Variants in NBPF12 observed in about 807,000 individuals in gnomAD.
NBPF12 encodes the protein NBPF family member NBPF12.
NBPF12 carries 115 observed loss-of-function variants against 146.4 expected under a neutral mutation model. The ratio of observed to expected loss-of-function variants is 0.79; its 90% CI spans 0.68 to 0.92. NBPF12 has a LOEUF of 0.92. NBPF12 is among the 40% of genes least tolerant of loss of function. The probability of loss-of-function intolerance (pLI) is 0.00; values close to 1 mark genes in which losing one functional copy is unlikely to be tolerated. For synonymous variants in NBPF12, 385 were observed against 508.9 expected (o/e 0.76, Z 3.28); for missense variants, 1,205 against 1,326.8 (o/e 0.91, Z 1.43).
intron 2 of NBPF12, among the ~76,000 whole-genome samples, chr1:146,954,570 C>T (rs1190933969): frequency 6.7e-6 from 1 of 150,074 alleles, no homozygotes; most frequent in African/African-American, 2.5e-5. Flanking sequence ...AAATTGATCT[C>T]CAGATCCAAT....
At chr1:146,970,814 C>T in intron 12 of NBPF12, 95 bp downstream of exon 15, 1 of 1,126,352 alleles carries the variant, frequency 8.9e-7, no homozygotes, top group Non-Finnish European at 1.4e-6. Context: ...GGCCAAAAGC[C>T]CGCATTCCCT....
rs1223536831 is a variant in NBPF12 at position 146,960,444 on chromosome 1, G to A, written c.175+126G>A. On this transcript the variant is annotated intron_variant, in intron 4 of 33. Transcript: ENST00000617844. ...CTGTACTTCTAGGAAAACAGAAATG[G>A]GTATTTTAACATTTTGTTAAAGTTG... 1,288 of 612,564 alleles carry A rather than the reference G, an allele frequency of 2.1e-3. 22 individuals carry two copies. Among genetic ancestry groups the A allele is most frequent in the African/African-American group, 0.021 (1,106 of 53,796 alleles). The allele number at this position is 612,564 out of a possible 1,614,324, so 37.9% of individuals were successfully genotyped here.
chr1:146,987,334 TC>T, intron 25 of NBPF12, 49 bp downstream of exon 28: 1 of 788,778 alleles, frequency 1.3e-6, no homozygotes, highest in Middle Eastern at 2.6e-4. Flanking sequence ...ATCTGGAGAC[TC>T]CTGGTTCAGG....
chr1:146,960,640 C>A (rs1257995032), intron 4 of NBPF12, among the ~76,000 whole-genome samples: 2 of 151,914 alleles, frequency 1.3e-5, no homozygotes, highest in Non-Finnish European at 2.9e-5. Context: ...ATATAAGATC[C>A]TGCAGACAAA....
chr1:146,960,266 A>T (rs1655768481), exon 4 of NBPF12: 1 of 1,402,610 alleles, frequency 7.1e-7, no homozygotes. Flanking sequence ...TCAAAGAGAG[A>T]TGTTTTCTAA....
exon 34 of NBPF12, chr1:146,994,509 C>A (rs4028591): frequency 1.3e-6 from 2 of 1,581,610 alleles, no homozygotes; most frequent in Non-Finnish European, 8.6e-7. Flanking sequence ...TGGACAATAG[C>A]TTTTTTACTT....
intron 8 of NBPF12, among the ~76,000 whole-genome samples, chr1:146,966,003 A>C (rs1228977446): frequency 6.6e-6 from 1 of 151,710 alleles, no homozygotes; most frequent in Non-Finnish European, 1.5e-5. Context: ...GATGCTTGGC[A>C]GGCTGAGTGA....
chr1:146,981,146 A>T (rs1657347014), intron 19 of NBPF12, among the ~76,000 whole-genome samples: 1 of 72,462 alleles, frequency 1.4e-5, no homozygotes, highest in Admixed American at 1.9e-4. Flanking sequence ...GGGGGGAGGG[A>T]GGAGGGGTAG....
chr1:146,960,546 C>T (rs1377756803), intron 4 of NBPF12, among the ~76,000 whole-genome samples: 1 of 151,982 alleles, frequency 6.6e-6, no homozygotes, highest in Admixed American at 6.5e-5. Context: ...GTTAAACTCA[C>T]AGTTACTGAT....
At chr1:146,966,390 C>T in intron 8 of NBPF12, 74 bp from the exon 12 acceptor site, 1 of 1,207,918 alleles carries the variant, frequency 8.3e-7, no homozygotes. Context: ...CCAGTGACAT[C>T]CCTCAGTCCT....
chr1:146,990,899 C>CCT (rs373311542), intron 29 of NBPF12, among the ~76,000 whole-genome samples: 3 of 105,640 alleles, frequency 2.8e-5, no homozygotes, highest in Non-Finnish European at 3.6e-5. Flanking sequence ...CTCACTTTCT[C>CCT]CTCTCTCTCT....
At chr1:146,970,611 G>T (rs1656539156) in intron 11 of NBPF12, 36 bp from the exon 15 acceptor site, 4 of 1,569,920 alleles carry the variant, frequency 2.5e-6, no homozygotes, top group South Asian at 1.1e-5. Flanking sequence ...AGAATGTGAA[G>T]TGGAAAATAT....
chr1:146,962,066 G>T, intron 4 of NBPF12, 95 bp from the exon 8 acceptor site: 1 of 1,086,414 alleles, frequency 9.2e-7, no homozygotes. Context: ...GGAGAGTTTT[G>T]TCCTTGGGAT....
intron 13 of NBPF12, among the ~76,000 whole-genome samples, chr1:146,971,983 G>A (rs1656661645): frequency 6.7e-6 from 1 of 149,704 alleles, no homozygotes; most frequent in South Asian, 2.1e-4. Flanking sequence ...AGCTACTTGG[G>A]AGGCTGAGGC....
chr1:146,964,166 C>T (rs1231576517), intron 6 of NBPF12, among the ~76,000 whole-genome samples, 191 bp from the exon 10 acceptor site: 3 of 148,988 alleles, frequency 2.0e-5, no homozygotes, highest in African/African-American at 5.0e-5. Context: ...GATGGTGGCC[C>T]TCCACATCAG....
intron 19 of NBPF12, among the ~76,000 whole-genome samples, chr1:146,981,504 A>C (rs1657391018): frequency 6.6e-6 from 1 of 151,038 alleles, no homozygotes; most frequent in Non-Finnish European, 1.5e-5. Context: ...CTTCATTTCA[A>C]CCTTGGTGAA....
At position 146,984,893 on chromosome 1, in the gene NBPF12, T is replaced by A. The variant is rs1301772078; in HGVS notation, c.2747T>A (p.Val916Asp). Reference sequence around the variant, plus strand: ...GATAGATGTTATTCAACTCCTTCAGTTTATCTTGGACTGACTGACTCATGC... The same window carrying A: ...GATAGATGTTATTCAACTCCTTCAGATTATCTTGGACTGACTGACTCATGC... The change falls in exon 22 of 34, where the codon GTT (valine) becomes GAT (aspartate). Residue 916 changes from valine (V) to aspartate (D), a missense_variant. Around this residue, in one of 16 missense-constraint regions of NBPF12, gnomAD observed 68 missense variants for 62.2 expected, o/e 1.09. Coordinates refer to ENST00000617844, the Ensembl canonical transcript of NBPF12. 16 of 1,597,450 alleles carry A rather than the reference T, an allele frequency of 1.0e-5. No individual in the cohort carries two copies. In the African/African-American group the frequency reaches 1.6e-4, roughly 16 times the overall value.
rs1360248927 is a variant in NBPF12 at position 146,975,306 on chromosome 1, G to T, written c.1905-371G>T. On this transcript the variant is annotated intron_variant, in intron 15 of 33. Coordinates refer to ENST00000617844, the Ensembl canonical transcript of NBPF12. ...CCTATCTGCATCTGGCCTCATTTCT[G>T]TACATGGCTTTGTATCTAATGGCCG... is the stretch of plus-strand genomic sequence containing the variant. Among the ~76,000 whole-genome samples the T allele has an allele frequency of 3.1e-5, 4 of 127,942 alleles. No individual in the cohort carries two copies. The East Asian group carries it at 8.3e-4, about 26-fold the overall frequency. The allele number at this position is 127,942 out of a possible 152,430, so 83.9% of individuals were successfully genotyped here.
At chr1:146,950,757 G>A (rs1232546519) in intron 1 of NBPF12, among the ~76,000 whole-genome samples, 5 of 152,076 alleles carry the variant, frequency 3.3e-5, no homozygotes, top group African/African-American at 9.7e-5. Flanking sequence ...ATATTTGAAT[G>A]TATATTTGAA....
Sources: allele counts gnomAD v4.1 joint callset (sites outside exome capture counted in the v4.1 genomes callset), GRCh38; gene constraint gnomAD v4.1.1; regional missense constraint gnomAD v4.1.1; transcripts MANE v1.5; gene names NCBI Gene and HGNC (gene_info 2026-07-23, HGNC 2026-07-21).